The following SLC9C2 variants were observed in gnomAD, a reference collection of about 807,000 sequenced individuals.
The protein encoded by SLC9C2 is sodium/hydrogen exchanger 11.
Under a neutral mutation model 140.2 loss-of-function variants are expected in SLC9C2, and 75 were observed. The observed-to-expected ratio is 0.53, with a 90% confidence interval of 0.44 to 0.65. SLC9C2 has a LOEUF of 0.65. SLC9C2 is among the 30% of genes least tolerant of loss of function. The probability of loss-of-function intolerance (pLI) is 0.00; values close to 1 mark genes in which losing one functional copy is unlikely to be tolerated. For synonymous variants in SLC9C2, 375 were observed against 420.9 expected (o/e 0.89, Z 1.34); for missense variants, 1,074 against 1,331.8 (o/e 0.81, Z 3.01).
At chr1:173,507,099 A>G in intron 24 of SLC9C2, 58 bp from the exon 25 acceptor site, 8 of 1,308,878 alleles carry the variant, frequency 6.1e-6, no homozygotes, top group Non-Finnish European at 8.4e-6. Context: ...TGGTATCAAG[A>G]AGAAAACAGA....
chr1:173,507,345 T>A (rs1405473111), intron 24 of SLC9C2, among the ~76,000 whole-genome samples: 1 of 121,832 alleles, frequency 8.2e-6, no homozygotes, highest in Admixed American at 7.3e-5. Context: ...CTCAGAGTCT[T>A]AAAAGATTCA....
intron 8 of SLC9C2, among the ~76,000 whole-genome samples, chr1:173,574,240 T>C (rs1470213646): frequency 6.6e-6 from 1 of 152,140 alleles, no homozygotes; most frequent in Non-Finnish European, 1.5e-5. Context: ...CACAAACCAT[T>C]CTCCTTACAG....
At position 173,525,037 on chromosome 1, in the gene SLC9C2, T is replaced by C. The variant is rs6663036; in HGVS notation, c.2366-110A>G. Reference sequence around the variant, plus strand: ...AAGCATTTACACAATATTCTTTGATTCTAGTTTCATGCAGAACTCATGAGG... The same window carrying C: ...AAGCATTTACACAATATTCTTTGATCCTAGTTTCATGCAGAACTCATGAGG... On this transcript the variant is annotated intron_variant, in intron 19 of 27. Coordinates refer to ENST00000367714, the MANE Select transcript of SLC9C2 (RefSeq NM_178527.4). 0.018 allele frequency: 21,183 copies of C among 1,196,606 alleles called. 2,789 individuals carry two copies. In the African/African-American group the frequency reaches 0.29, roughly 16 times the overall value. 74.1% of individuals were successfully genotyped at this position (1,196,606 alleles called of 1,614,324 possible).
chr1:173,529,819 C>T (rs1166337294), intron 18 of SLC9C2, 86 bp downstream of exon 18: 18 of 1,427,986 alleles, frequency 1.3e-5, no homozygotes, highest in East Asian at 4.6e-5. Flanking sequence ...TTGTCTGTTT[C>T]GTCAAACACA....
chr1:173,510,115 T>G (rs1157037264), intron 23 of SLC9C2, among the ~76,000 whole-genome samples: 1 of 152,186 alleles, frequency 6.6e-6, no homozygotes, highest in Admixed American at 6.5e-5. Context: ...CACTTTCAGA[T>G]TCAAGTTACA....
chr1:173,505,423 G>T, intron 25 of SLC9C2, 92 bp from the exon 26 acceptor site: 1 of 956,440 alleles, frequency 1.0e-6, no homozygotes, highest in Non-Finnish European at 1.6e-6. Context: ...TAAAAAATAA[G>T]CCAAAGCCTA....
chr1:173,585,820 T>C (rs1296588375), intron 5 of SLC9C2, among the ~76,000 whole-genome samples: 1 of 151,786 alleles, frequency 6.6e-6, no homozygotes, highest in Non-Finnish European at 1.5e-5. Context: ...ATACAAAAAT[T>C]ATCCAGGCGT....
chr1:173,505,809 A>G (rs568233890), intron 25 of SLC9C2, among the ~76,000 whole-genome samples: 24 of 152,262 alleles, frequency 1.6e-4, no homozygotes, highest in African/African-American at 5.1e-4. Flanking sequence ...AATCCTCCCA[A>G]TAACCCGATA....
chr1:173,525,047 T>C (rs960035965), intron 19 of SLC9C2, 120 bp from the exon 20 acceptor site: 2 of 1,139,808 alleles, frequency 1.8e-6, no homozygotes, highest in Non-Finnish European at 2.4e-6. Context: ...TCTAGTTTCA[T>C]GCAGAACTCA....
chr1:173,549,854 A>T (rs10912640), intron 11 of SLC9C2, among the ~76,000 whole-genome samples: 17,167 of 152,196 alleles, frequency 0.11, 3,241 homozygotes, highest in African/African-American at 0.39. Flanking sequence ...CAAAAAAAGC[A>T]TTGTCATGAT....
At position 173,548,486 on chromosome 1, in the gene SLC9C2, A is replaced by G. The variant is rs1021122946; in HGVS notation, c.1364T>C (p.Ile455Thr). The change falls in exon 12 of 28, where the codon ATA becomes ACA. Residue 455 changes from isoleucine to threonine, a missense_variant. Transcript: ENST00000367714. ...AAATAAAGTTATTGTGTTCTGTACT[A>G]TCTCCTGTATGTGCTGAGTGGCATT... Reference protein sequence around the residue: ...LQNATQHIQEIVQNTITLFKT... With the variant: ...LQNATQHIQETVQNTITLFKT... 1 of 1,613,854 alleles carries G rather than the reference A, an allele frequency of 6.2e-7. No homozygotes were observed. Among genetic ancestry groups the G allele is most frequent in the Non-Finnish European group, 8.5e-7 (1 of 1,179,794 alleles).
chr1:173,566,602 TTTTG>T (rs1664487599), intron 9 of SLC9C2, among the ~76,000 whole-genome samples: 2 of 152,090 alleles, frequency 1.3e-5, no homozygotes, highest in Non-Finnish European at 1.5e-5. Flanking sequence ...GGTTTGTCAT[TTTTG>T]TTTATCTTTT....
intron 22 of SLC9C2, among the ~76,000 whole-genome samples, chr1:173,520,011 G>A (rs1028157363): frequency 1.9e-4 from 29 of 152,136 alleles, no homozygotes; most frequent in African/African-American, 6.3e-4. Flanking sequence ...GTGGTGGTGC[G>A]TGCCTGTAAT....
chr1:173,509,546 A>G, intron 24 of SLC9C2, 22 bp downstream of exon 24: 1 of 1,483,144 alleles, frequency 6.7e-7, no homozygotes, highest in South Asian at 1.3e-5. Flanking sequence ...CAATTTATTA[A>G]TATTTTAATC....
intron 7 of SLC9C2, among the ~76,000 whole-genome samples, chr1:173,581,200 G>A (rs1015870138): frequency 2.0e-5 from 3 of 152,146 alleles, no homozygotes; most frequent in Admixed American, 6.5e-5. Flanking sequence ...GAGCAAAAGT[G>A]GAATTTGACA....
At chr1:173,552,621 A>T (rs301699) in intron 11 of SLC9C2, among the ~76,000 whole-genome samples, 1,824 of 152,344 alleles carry the variant, frequency 0.012, 20 homozygotes, top group Middle Eastern at 0.02. Context: ...AGCCTGGATG[A>T]CAGCACATCT....
intron 22 of SLC9C2, among the ~76,000 whole-genome samples, 154 bp from the exon 23 acceptor site, chr1:173,517,858 T>A (rs1245756667): frequency 6.6e-6 from 1 of 151,974 alleles, no homozygotes; most frequent in African/African-American, 2.4e-5. Context: ...GAAAAAAAAA[T>A]CATGATTTCT....
chr1:173,580,496 C>T (rs1361648934), intron 7 of SLC9C2, among the ~76,000 whole-genome samples: 4 of 152,062 alleles, frequency 2.6e-5, no homozygotes, highest in East Asian at 3.9e-4. Context: ...GAATTACAGG[C>T]GTGCGCCAGC....
chr1:173,555,509 G>A (rs1032528339), intron 10 of SLC9C2, among the ~76,000 whole-genome samples: 4 of 152,142 alleles, frequency 2.6e-5, no homozygotes, highest in Admixed American at 6.5e-5. Flanking sequence ...ACTGACTCCC[G>A]CTGTGGGTTG....
Sources: gnomAD v4.1 joint callset for allele counts (sites outside exome capture counted in the v4.1 genomes callset) on GRCh38, gnomAD v4.1.1 for gene constraint, MANE v1.5 for transcripts, NCBI Gene and HGNC (gene_info 2026-07-23, HGNC 2026-07-21) for gene names.